IQSEC1: variants seen among roughly 807,000 people sequenced by gnomAD.
IQSEC1 encodes IQ motif and SEC7 domain-containing protein 1.
A neutral mutation model predicts 91.0 loss-of-function variants in IQSEC1; 31 were observed. The ratio of observed to expected loss-of-function variants is 0.34; its 90% CI spans 0.26 to 0.46. The LOEUF (loss-of-function observed/expected upper bound fraction) is 0.46. Ranked by LOEUF, IQSEC1 falls within the 20% of genes least tolerant of loss-of-function variation. The probability of loss-of-function intolerance (pLI) is 1.00; values close to 1 mark genes in which losing one functional copy is unlikely to be tolerated. For synonymous variants in IQSEC1, 699 were observed against 662.6 expected, an observed-to-expected ratio of 1.05 and a Z score of -0.84; for missense variants, 1,388 against 1,575.6, an observed-to-expected ratio of 0.88 and a Z score of 2.02.
intron 1 of IQSEC1, among the ~76,000 whole-genome samples, chr3:12,942,592 G>C (rs1698856544): frequency 6.6e-6 from 1 of 151,296 alleles, no homozygotes; most frequent in African/African-American, 2.4e-5. Context: ...TACAGAGCAA[G>C]ACTCCGTCTC....
At chr3:12,942,368 C>T (rs191719072) in intron 1 of IQSEC1, among the ~76,000 whole-genome samples, 9 of 152,026 alleles carry the variant, frequency 5.9e-5, no homozygotes, top group East Asian at 5.8e-4. Context: ...TTTGGGAGGC[C>T]GAGGAGGGCG....
intron 1 of IQSEC1, among the ~76,000 whole-genome samples, chr3:13,221,665 C>T (rs1029086916): frequency 1.3e-5 from 2 of 152,266 alleles, no homozygotes; most frequent in African/African-American, 4.8e-5. Flanking sequence ...GGCTCTCCGT[C>T]TCCTGCCCAA....
At position 12,938,946 on chromosome 3, in the gene IQSEC1, G is replaced by A. The variant is rs142431438; in HGVS notation, c.319-2249C>T. 1.9e-3 allele frequency among the ~76,000 whole-genome samples: 283 copies of A among 152,280 alleles called. 3 individuals are homozygous for A. The highest frequency in any genetic ancestry group is 7.2e-3 in the South Asian group (35 of 4,828). ...CATGGACCTGGGGCTACTCTTCCTCGTCCCCAAACTTACCGTGGGTCATTC... is the reference window on the plus strand; with the variant it reads ...CATGGACCTGGGGCTACTCTTCCTCATCCCCAAACTTACCGTGGGTCATTC... On this transcript the variant is annotated intron_variant, in intron 2 of 13. Transcript: ENST00000613206.
At position 12,970,041 on chromosome 3, in the gene IQSEC1, C is replaced by G. The variant is rs889652083; in HGVS notation, c.24-28176G>C. Among the ~76,000 whole-genome samples the G allele has an allele frequency of 2.6e-5, 4 of 152,206 alleles. No individual in the cohort carries two copies. The East Asian group carries it at 7.7e-4, about 29-fold the overall frequency. The stretch of plus-strand genomic sequence containing the variant: ...AGACTGGTCAGAATCCTTGCATGCA[C>G]CATTCAGGCAAATTGCTTAGTTTTC... On this transcript the variant is annotated intron_variant, in intron 1 of 13. Coordinates refer to ENST00000613206, the MANE Select transcript of IQSEC1 (RefSeq NM_001134382.3). This position sits in a 1 kb window ranked among gnomAD's most constrained non-coding sequence, Gnocchi z 4.4.
chr3:13,197,792 G>A (rs1245034682), intron 1 of IQSEC1, among the ~76,000 whole-genome samples: 1 of 152,226 alleles, frequency 6.6e-6, no homozygotes, highest in Non-Finnish European at 1.5e-5. Flanking sequence ...AGAGGCCAAG[G>A]AAGATAGTCA....
At chr3:13,217,860 C>T (rs924372790) in intron 1 of IQSEC1, among the ~76,000 whole-genome samples, 1 of 152,204 alleles carries the variant, frequency 6.6e-6, no homozygotes, top group Non-Finnish European at 1.5e-5. Flanking sequence ...CAGACTCTTG[C>T]TGTTTCACCC....
intron 9 of IQSEC1, among the ~76,000 whole-genome samples, chr3:12,912,633 C>T (rs953098391): frequency 2.7e-5 from 4 of 146,060 alleles, no homozygotes; most frequent in Non-Finnish European, 6.0e-5. Context: ...CACTGCAGTC[C>T]GCAGTCCCGC....
chr3:13,203,164 T>TACACACAC (rs10533324), intron 1 of IQSEC1, among the ~76,000 whole-genome samples: 5 of 148,120 alleles, frequency 3.4e-5, no homozygotes, highest in African/African-American at 9.9e-5. Flanking sequence ...TTACCACTAC[T>TACACACAC]ACACACACAC....
Position 12,900,098 on chromosome 3 carries a change from T to C in IQSEC1, c.*885A>G, listed in dbSNP as rs1471427855. The C allele has an allele frequency of 5.1e-6, 5 of 980,136 alleles. No individual in the cohort carries two copies. The highest frequency in any genetic ancestry group is 9.4e-5 in the South Asian group (2 of 21,200). The allele number at this position is 980,136 out of a possible 1,614,324, so 60.7% of individuals were successfully genotyped here. A position where few individuals can be genotyped will look rare whatever the true frequency, so the allele number is the denominator to read the frequency against. The stretch of plus-strand genomic sequence containing the variant: ...TGCTACTGTAGAGTGTACTGCAGTT[T>C]AGCTATTTGCTTACCTGAAATAACA... On this transcript the variant is annotated 3_prime_UTR_variant, in exon 14 of 14. Coordinates refer to ENST00000613206, the MANE Select transcript of IQSEC1 (RefSeq NM_001134382.3).
intron 1 of IQSEC1, among the ~76,000 whole-genome samples, chr3:13,200,693 G>T (rs1366930303): frequency 1.3e-5 from 2 of 152,348 alleles, no homozygotes; most frequent in South Asian, 2.1e-4. Context: ...CTTTCCGGAA[G>T]ATGGCACAGC....
At chr3:13,234,246 GCCC>G (rs1694884088) in intron 1 of IQSEC1, among the ~76,000 whole-genome samples, 1 of 150,216 alleles carries the variant, frequency 6.7e-6, no homozygotes, top group Non-Finnish European at 1.5e-5. Flanking sequence ...GTGGGTGTGA[GCCC>G]CCGTGTCTGT....
intron 1 of IQSEC1, chr3:13,022,055 A>G (rs1703423588): frequency 8.1e-7 from 1 of 1,231,916 alleles, no homozygotes; most frequent in Non-Finnish European, 1.0e-6. Flanking sequence ...ACAGAGATGC[A>G]GTACTTCCAC....
chr3:13,267,779 G>A (rs1242120948), intron 1 of IQSEC1, among the ~76,000 whole-genome samples: 8 of 151,908 alleles, frequency 5.3e-5, no homozygotes, highest in South Asian at 4.2e-4. Context: ...CACCTCACCC[G>A]GCTAATTTTT....
intron 1 of IQSEC1, chr3:12,986,911 A>G: frequency 3.1e-6 from 1 of 323,480 alleles, no homozygotes; most frequent in Admixed American, 4.1e-5. Flanking sequence ...GGGAGGGGAC[A>G]TTTTATTTTC....
chr3:13,111,516 T>G (rs1706243754), intron 2 of IQSEC1, among the ~76,000 whole-genome samples: 1 of 152,206 alleles, frequency 6.6e-6, no homozygotes. Context: ...GGTAAGCACC[T>G]GACCCCTGGG....
chr3:13,044,695 C>T (rs1211887736), intron 1 of IQSEC1, among the ~76,000 whole-genome samples: 1 of 152,254 alleles, frequency 6.6e-6, no homozygotes, highest in Non-Finnish European at 1.5e-5. Context: ...CCCCGCCCCC[C>T]CACACTCCTG....
chr3:13,254,655 A>G (rs1172740914), intron 1 of IQSEC1, among the ~76,000 whole-genome samples: 1 of 152,166 alleles, frequency 6.6e-6, no homozygotes, highest in Non-Finnish European at 1.5e-5. Context: ...TTTCAACGAC[A>G]CAGCTCCCTG....
chr3:13,220,350 A>G (rs12632026), intron 1 of IQSEC1, among the ~76,000 whole-genome samples: 29,812 of 152,058 alleles, frequency 0.2, 4,084 homozygotes, highest in African/African-American at 0.38. Flanking sequence ...CTTGGGGCCC[A>G]GGAGAAGAAT....
chr3:13,233,030 G>A (rs1254500900), intron 1 of IQSEC1, among the ~76,000 whole-genome samples: 1 of 152,208 alleles, frequency 6.6e-6, no homozygotes, highest in Non-Finnish European at 1.5e-5. Flanking sequence ...TTGGGAGGAG[G>A]AAAAGGTCCT....
Sources: allele counts gnomAD v4.1 joint callset (sites outside exome capture counted in the v4.1 genomes callset), GRCh38; gene constraint gnomAD v4.1.1; non-coding constraint Gnocchi (gnomAD v3.1); transcripts MANE v1.5; gene names NCBI Gene and HGNC (gene_info 2026-07-23, HGNC 2026-07-21).